The following CTNNA3 variants were observed in gnomAD, a reference collection of about 807,000 sequenced individuals.
CTNNA3 encodes catenin alpha-3.
In CTNNA3, 76 loss-of-function variants were observed where a neutral mutation model predicts 95.7. That is an observed-to-expected ratio of 0.79 (90% CI 0.66 to 0.96). The LOEUF is 0.96. Among genes scored for constraint, CTNNA3 ranks in the 40% least tolerant of loss-of-function variants. CTNNA3 has a pLI of 0.00. For missense variants in CTNNA3, 1,191 were observed against 1,089.8 expected, an observed-to-expected ratio of 1.09 and a Z score of -1.31; for synonymous variants, 431 against 374.4, an observed-to-expected ratio of 1.15 and a Z score of -1.74.
At chr10:66,351,517 T>G (rs1206938574) in intron 12 of CTNNA3, among the ~76,000 whole-genome samples, 1 of 152,050 alleles carries the variant, frequency 6.6e-6, no homozygotes, top group Non-Finnish European at 1.5e-5. Flanking sequence ...CAGGAACATT[T>G]AACAATATGA....
intron 13 of CTNNA3, among the ~76,000 whole-genome samples, chr10:66,183,172 A>C (rs1465330058): frequency 6.6e-6 from 1 of 152,246 alleles, no homozygotes; most frequent in Non-Finnish European, 1.5e-5. Flanking sequence ...ATGCCCTAGC[A>C]CAGGATTTGG....
chr10:67,640,221 G>C (rs1367870170), intron 2 of CTNNA3, among the ~76,000 whole-genome samples: 1 of 152,060 alleles, frequency 6.6e-6, no homozygotes, highest in Non-Finnish European at 1.5e-5. Context: ...CAAACAAACA[G>C]AGAGCCAAAT....
chr10:66,941,968 G>A (rs534740741), intron 7 of CTNNA3, among the ~76,000 whole-genome samples: 1 of 152,224 alleles, frequency 6.6e-6, no homozygotes, highest in South Asian at 2.1e-4. Flanking sequence ...GTGTAGGAGG[G>A]AGATCGTAGA....
At chr10:66,137,096 C>A (rs1041022023) in intron 13 of CTNNA3, among the ~76,000 whole-genome samples, 1 of 151,952 alleles carries the variant, frequency 6.6e-6, no homozygotes, top group Non-Finnish European at 1.5e-5. Context: ...TGGCTTGAGC[C>A]ACCGCGCCCA....
intron 2 of CTNNA3, 85 bp downstream of exon 2, chr10:67,647,330 C>T: frequency 1.0e-6 from 1 of 986,676 alleles, no homozygotes; most frequent in South Asian, 1.9e-5. Context: ...AAAATCAAAT[C>T]TTTTATTCTT....
intron 1 of CTNNA3, among the ~76,000 whole-genome samples, chr10:67,717,922 T>C (rs898614240): frequency 3.3e-5 from 5 of 152,250 alleles, no homozygotes; most frequent in African/African-American, 7.2e-5. Context: ...ATGGCCATTT[T>C]CACAATATTC....
intron 5 of CTNNA3, among the ~76,000 whole-genome samples, chr10:67,482,998 C>A (rs1848297366): frequency 6.6e-6 from 1 of 151,868 alleles, no homozygotes; most frequent in African/African-American, 2.4e-5. Context: ...TTTATGTAGC[C>A]AAAAAACACA....
chr10:67,294,833 T>C (rs1871613), intron 5 of CTNNA3, among the ~76,000 whole-genome samples: 151,916 of 152,302 alleles, frequency 1, 75,767 homozygotes, highest in East Asian at 1. Flanking sequence ...CTGCCTAGAC[T>C]GAGGTGTTGT....
chr10:66,967,752 G>A (rs919996624), intron 7 of CTNNA3, among the ~76,000 whole-genome samples: 3 of 152,012 alleles, frequency 2.0e-5, no homozygotes, highest in Admixed American at 1.3e-4. Context: ...GAGTGCCAGT[G>A]AGAAAAATAA....
At chr10:66,290,192 C>T (rs2091656998) in intron 12 of CTNNA3, among the ~76,000 whole-genome samples, 1 of 151,900 alleles carries the variant, frequency 6.6e-6, no homozygotes, top group Non-Finnish European at 1.5e-5. Flanking sequence ...TCCTACATCT[C>T]CCCCAAAAGT....
At chr10:66,701,458 T>A (rs1451217365) in intron 9 of CTNNA3, among the ~76,000 whole-genome samples, 1 of 152,158 alleles carries the variant, frequency 6.6e-6, no homozygotes, top group African/African-American at 2.4e-5. Context: ...GAAGACCACT[T>A]TAACACTGTT....
chr10:65,955,849 CT>C (rs987466973), intron 17 of CTNNA3, among the ~76,000 whole-genome samples: 1 of 152,014 alleles, frequency 6.6e-6, no homozygotes, highest in Non-Finnish European at 1.5e-5. Context: ...CTAAAATTCT[CT>C]TTTTTTGTTG....
At chr10:67,740,353 C>A (rs1841328608) in intron 1 of CTNNA3, among the ~76,000 whole-genome samples, 1 of 151,794 alleles carries the variant, frequency 6.6e-6, no homozygotes, top group South Asian at 2.1e-4. Context: ...AAACAAACTA[C>A]CATCAGAGTG....
intron 11 of CTNNA3, among the ~76,000 whole-genome samples, chr10:66,499,526 C>G (rs755016086): frequency 1.7e-4 from 26 of 151,974 alleles, no homozygotes; most frequent in Non-Finnish European, 2.8e-4. Context: ...CAGGGTCTCC[C>G]TATGTAGCTC....
intron 15 of CTNNA3, among the ~76,000 whole-genome samples, chr10:66,021,768 T>C (rs1303699226): frequency 1.3e-5 from 2 of 151,346 alleles, no homozygotes; most frequent in Non-Finnish European, 1.5e-5. Context: ...ACTTAGAATA[T>C]TTTTAGCTTG....
intron 7 of CTNNA3, among the ~76,000 whole-genome samples, chr10:66,887,967 A>G (rs1204443478): frequency 1.3e-5 from 2 of 152,186 alleles, no homozygotes; most frequent in Admixed American, 6.6e-5. Flanking sequence ...CTTTAAATTC[A>G]TACCAAAAGG....
chr10:67,481,780 T>C (rs992570737), intron 5 of CTNNA3, among the ~76,000 whole-genome samples: 5 of 152,202 alleles, frequency 3.3e-5, no homozygotes, highest in East Asian at 1.9e-4. Flanking sequence ...ATTTTGGCTT[T>C]TGTTGTCATT....
In CTNNA3 at chr10:66,433,622, C is replaced by T. The variant is rs540105348; in HGVS notation, c.1532-54270G>A. On this transcript the variant is annotated intron_variant, in intron 11 of 17. Coordinates refer to ENST00000433211, the MANE Select transcript of CTNNA3 (RefSeq NM_013266.4). ...TGTTTCCTCTGATGGTAGTTTCTTT[C>T]ACCGTGCAGAAGCTCTTTAGTTTAA... Among the ~76,000 whole-genome samples, 246 of 152,196 alleles carry T rather than the reference C, an allele frequency of 1.6e-3. 2 individuals are homozygous for T. The highest frequency in any genetic ancestry group is 5.6e-3 in the African/African-American group (231 of 41,542).
chr10:66,115,788 G>A (rs1024288358), intron 13 of CTNNA3, among the ~76,000 whole-genome samples: 1 of 151,998 alleles, frequency 6.6e-6, no homozygotes, highest in Non-Finnish European at 1.5e-5. Flanking sequence ...TTCCAGCCAC[G>A]GATGTTAAGT....
Sources: gnomAD v4.1 joint callset for allele counts (sites outside exome capture counted in the v4.1 genomes callset) on GRCh38, gnomAD v4.1.1 for gene constraint, MANE v1.5 for transcripts, NCBI Gene and HGNC (gene_info 2026-07-23, HGNC 2026-07-21) for gene names.